The following ARHGAP26 variants were observed in gnomAD, a reference collection of about 807,000 sequenced individuals.
The protein encoded by ARHGAP26 is Rho GTPase activating protein 26.
ARHGAP26 carries 38 observed loss-of-function variants against 104.8 expected under a neutral mutation model. The observed-to-expected ratio is 0.36, with a 90% CI of 0.28 to 0.48. The LOEUF (loss-of-function observed/expected upper bound fraction) is 0.48, where lower values mean the gene tolerates loss of function less well. Among genes scored for constraint, ARHGAP26 ranks in the 20% least tolerant of loss-of-function variants. The pLI is 0.99. For missense variants in ARHGAP26, 704 were observed against 947.9 expected, an observed-to-expected ratio of 0.74 and a Z score of 3.38; for synonymous variants, 341 against 340.0, an observed-to-expected ratio of 1.00 and a Z score of -0.03.
intron 17 of ARHGAP26, among the ~76,000 whole-genome samples, chr5:143,092,118 G>T (rs540836834): frequency 8.5e-4 from 127 of 148,626 alleles, no homozygotes; most frequent in African/African-American, 3.1e-3. Context: ...ACAATTCTTC[G>T]ACATGCCTCA....
rs375782 is a variant in ARHGAP26, at chr5:142,794,938, C to T, written c.154+24023C>T. ...GCTTGTTGTGAATCTGTTGATGTCT[C>T]GTATAATGGATTAGACTACAAAGGT... On this transcript the variant is annotated intron_variant, in intron 1 of 22. Transcript: ENST00000645722. Among the ~76,000 whole-genome samples, 423 of 152,196 alleles carry T rather than the reference C, an allele frequency of 2.8e-3. 1 individual carries two copies. Among genetic ancestry groups the T allele is most frequent in the Non-Finnish European group, 5.1e-3 (350 of 68,022 alleles).
intron 20 of ARHGAP26, 67 bp downstream of exon 20, chr5:143,147,448 G>C: frequency 1.3e-6 from 2 of 1,543,902 alleles, no homozygotes; most frequent in Non-Finnish European, 1.8e-6. Context: ...AGAATTTGCT[G>C]TCTGGCTCCA....
intron 17 of ARHGAP26, among the ~76,000 whole-genome samples, chr5:143,104,819 A>G (rs1223275562): frequency 6.6e-6 from 1 of 152,228 alleles, no homozygotes; most frequent in Non-Finnish European, 1.5e-5. Context: ...TGTCTGCAGT[A>G]TGATTCCAAC....
At chr5:142,873,202 T>C (rs1202052118) in intron 1 of ARHGAP26, among the ~76,000 whole-genome samples, 198 bp from the exon 2 acceptor site, 1 of 152,218 alleles carries the variant, frequency 6.6e-6, no homozygotes, top group Non-Finnish European at 1.5e-5. Context: ...ACAAAAATAT[T>C]AACTTCTAGA....
intron 17 of ARHGAP26, among the ~76,000 whole-genome samples, chr5:143,077,114 G>A (rs1789151774): frequency 6.6e-6 from 1 of 152,220 alleles, no homozygotes; most frequent in Non-Finnish European, 1.5e-5. Flanking sequence ...GCTAGATATG[G>A]ATACAGAATA....
At position 142,835,678 on chromosome 5, in the gene ARHGAP26, T is replaced by C. The variant is rs548606633; in HGVS notation, c.155-37722T>C. On this transcript the variant is annotated intron_variant, in intron 1 of 22. Transcript: ENST00000645722. Reference sequence around the variant, plus strand: ...TTGAGCATTTTCTATGTTCATGGAGTTCCCTGAGCTTAGTACTTTTCACAC... The same window carrying C: ...TTGAGCATTTTCTATGTTCATGGAGCTCCCTGAGCTTAGTACTTTTCACAC... Among the ~76,000 whole-genome samples, 8 of 152,288 alleles carry C rather than the reference T, an allele frequency of 5.3e-5. No individual in the cohort carries two copies. The South Asian group carries it at 1.2e-3, about 24-fold the overall frequency.
chr5:142,941,679 C>G (rs890524935), intron 11 of ARHGAP26, among the ~76,000 whole-genome samples: 1 of 152,202 alleles, frequency 6.6e-6, no homozygotes, highest in Non-Finnish European at 1.5e-5. Context: ...TCCTTGTTCT[C>G]TTTGGTTAGA....
Position 143,134,233 on chromosome 5 carries a change from C to T in ARHGAP26, c.1837+128C>T, listed in dbSNP as rs925694598. The T allele has an allele frequency of 1.7e-5, 19 of 1,123,608 alleles. No homozygotes were observed. In the Admixed American group the frequency reaches 3.7e-4, roughly 22 times the overall value. The allele number at this position is 1,123,608 out of a possible 1,614,324, so 69.6% of individuals were successfully genotyped here. ...CTTTTTGTGTCCTTGAAGACTGTAT[C>T]ATTGTGCCCTCCCAAGTGCCTTTGC... On this transcript the variant is annotated intron_variant, in intron 19 of 22. Transcript: ENST00000645722.
intron 17 of ARHGAP26, among the ~76,000 whole-genome samples, chr5:143,096,226 C>T (rs1406307718): frequency 6.6e-6 from 1 of 152,290 alleles, no homozygotes. Context: ...AAACATATTA[C>T]ATCATATAAC....
At chr5:143,101,295 T>C (rs940818309) in intron 17 of ARHGAP26, among the ~76,000 whole-genome samples, 2 of 152,110 alleles carry the variant, frequency 1.3e-5, no homozygotes, top group Admixed American at 6.6e-5. Flanking sequence ...GGTTCGAGTG[T>C]GTCATTTCTC....
chr5:143,077,067 C>G (rs1789145160), intron 17 of ARHGAP26, among the ~76,000 whole-genome samples: 1 of 152,174 alleles, frequency 6.6e-6, no homozygotes, highest in African/African-American at 2.4e-5. Flanking sequence ...ACTGAATTGG[C>G]TTATATGCCT....
chr5:143,083,329 T>C (rs995193960), intron 17 of ARHGAP26, among the ~76,000 whole-genome samples: 1 of 152,212 alleles, frequency 6.6e-6, no homozygotes, highest in African/African-American at 2.4e-5. Flanking sequence ...GCCAAATTTA[T>C]CTTTGTCTCG....
intron 11 of ARHGAP26, among the ~76,000 whole-genome samples, chr5:142,973,530 T>A (rs543151024): frequency 1.1e-4 from 16 of 152,350 alleles, no homozygotes; most frequent in Non-Finnish European, 1.0e-4. Context: ...CTTCCATTTT[T>A]AAACTTTTCT....
chr5:142,896,829 G>A (rs1156390960), intron 6 of ARHGAP26, among the ~76,000 whole-genome samples: 1 of 152,156 alleles, frequency 6.6e-6, no homozygotes, highest in African/African-American at 2.4e-5. Context: ...TCTGCAGAAT[G>A]GGGATAGTAA....
At chr5:142,935,228 C>T (rs756301052) in intron 11 of ARHGAP26, among the ~76,000 whole-genome samples, 2 of 152,116 alleles carry the variant, frequency 1.3e-5, no homozygotes, top group African/African-American at 2.4e-5. Flanking sequence ...GAGTTGGTTT[C>T]CTCTTTTGTA....
At chr5:142,870,546 C>G (rs1245791286) in intron 1 of ARHGAP26, among the ~76,000 whole-genome samples, 1 of 152,182 alleles carries the variant, frequency 6.6e-6, no homozygotes, top group Non-Finnish European at 1.5e-5. Context: ...TTTAACTTCT[C>G]CGAGCTCCAA....
At chr5:143,017,582 A>G (rs1598647519) in intron 12 of ARHGAP26, among the ~76,000 whole-genome samples, 1 of 151,840 alleles carries the variant, frequency 6.6e-6, no homozygotes, top group East Asian at 1.9e-4. Context: ...TGTGTCTTTT[A>G]TCTTCCTGTG....
intron 11 of ARHGAP26, among the ~76,000 whole-genome samples, chr5:142,992,783 A>G (rs1315456086): frequency 1.3e-5 from 2 of 152,148 alleles, no homozygotes; most frequent in Non-Finnish European, 2.9e-5. Flanking sequence ...TACAGAGACC[A>G]TATGAATTGT....
chr5:143,221,919 T>TGGAAGGAA (rs879361244), intron 22 of ARHGAP26, among the ~76,000 whole-genome samples: 1 of 104,010 alleles, frequency 9.6e-6, no homozygotes, highest in African/African-American at 3.8e-5. Flanking sequence ...GGTGGGTGGA[T>TGGAAGGAA]GGATGGAAGG....
Sources: allele counts gnomAD v4.1 joint callset (sites outside exome capture counted in the v4.1 genomes callset), GRCh38; gene constraint gnomAD v4.1.1; transcripts MANE v1.5; gene names NCBI Gene and HGNC (gene_info 2026-07-23, HGNC 2026-07-21).